DLG2: variants seen among roughly 807,000 people sequenced by gnomAD.
DLG2 encodes discs large MAGUK scaffold protein 2, also known as disks large homolog 2.
A neutral mutation model predicts 132.5 loss-of-function variants in DLG2; 45 were observed. The ratio of observed to expected loss-of-function variants is 0.34; its 90% confidence interval spans 0.27 to 0.44. The LOEUF (loss-of-function observed/expected upper bound fraction) is 0.44. DLG2 is among the 20% of genes least tolerant of loss of function. DLG2 has a pLI of 1.00. For missense variants in DLG2, 1,045 were observed against 1,196.9 expected, an observed-to-expected ratio of 0.87 and a Z score of 1.87; for synonymous variants, 424 against 419.6, an observed-to-expected ratio of 1.01 and a Z score of -0.13.
chr11:84,584,224 A>T (rs1033059806), intron 6 of DLG2, among the ~76,000 whole-genome samples: 1 of 152,160 alleles, frequency 6.6e-6, no homozygotes, highest in African/African-American at 2.4e-5. Context: ...TGAGTATAAA[A>T]TGGTATCGGG....
chr11:84,576,510 G>A (rs1474939663), intron 6 of DLG2, among the ~76,000 whole-genome samples: 8 of 152,166 alleles, frequency 5.3e-5, no homozygotes, highest in African/African-American at 1.7e-4. Flanking sequence ...GAGAAAGAGG[G>A]TAAGTTTTTG....
intron 6 of DLG2, among the ~76,000 whole-genome samples, chr11:84,882,881 A>T (rs1211362849): frequency 6.6e-6 from 1 of 152,092 alleles, no homozygotes; most frequent in Non-Finnish European, 1.5e-5. Flanking sequence ...GGATGACTAA[A>T]TCCACACTCC....
chr11:84,897,576 A>G (rs1168594738), intron 6 of DLG2, among the ~76,000 whole-genome samples: 1 of 151,844 alleles, frequency 6.6e-6, no homozygotes, highest in East Asian at 1.9e-4. Context: ...CACTTATCAT[A>G]TATCTTTCTA....
At chr11:83,993,461 C>G (rs1398112276) in intron 11 of DLG2, among the ~76,000 whole-genome samples, 1 of 152,124 alleles carries the variant, frequency 6.6e-6, no homozygotes, top group Non-Finnish European at 1.5e-5. Context: ...AGTCTCTTCC[C>G]TAAACGAACA....
chr11:85,099,064 G>A (rs1490676321), intron 6 of DLG2, among the ~76,000 whole-genome samples: 4 of 152,208 alleles, frequency 2.6e-5, no homozygotes, highest in Non-Finnish European at 5.9e-5. Flanking sequence ...AGGAGCTACA[G>A]CAACTAATGT....
At chr11:83,634,520 T>C (rs967315446) in intron 18 of DLG2, among the ~76,000 whole-genome samples, 5 of 152,164 alleles carry the variant, frequency 3.3e-5, no homozygotes, top group Admixed American at 1.3e-4. Flanking sequence ...ATGGTTCTTT[T>C]AATTACAAAG....
intron 16 of DLG2, among the ~76,000 whole-genome samples, chr11:83,843,980 T>C (rs2058115115): frequency 6.6e-6 from 1 of 152,026 alleles, no homozygotes; most frequent in South Asian, 2.1e-4. Context: ...AGGATGAAAA[T>C]GAAGCAGAAA....
At chr11:83,789,236 T>C (rs557259784) in intron 17 of DLG2, among the ~76,000 whole-genome samples, 2 of 152,346 alleles carry the variant, frequency 1.3e-5, no homozygotes, top group Admixed American at 6.5e-5. Flanking sequence ...ATCTTCAGTG[T>C]ATACGTAAAT....
rs191811992 is a variant in DLG2, at chr11:85,107,245, C to G, written c.357+4416G>C. 1.4e-3 allele frequency among the ~76,000 whole-genome samples: 210 copies of G among 152,078 alleles called. 3 individuals are homozygous for G. The highest frequency in any genetic ancestry group is 0.013 in the Admixed American group (201 of 15,244). ...CTTTCCCAGCATTAATTTCCAGTAA[C>G]TAAGGGGTGTGCAAATATGCAACAA... is the stretch of plus-strand genomic sequence containing the variant. On this transcript the variant is annotated intron_variant, in intron 6 of 27. Transcript: ENST00000376104.
intron 18 of DLG2, among the ~76,000 whole-genome samples, chr11:83,785,565 G>C (rs1168792056): frequency 6.6e-6 from 1 of 152,172 alleles, no homozygotes; most frequent in Non-Finnish European, 1.5e-5. Flanking sequence ...TAAAAATTTT[G>C]AATAAATTAA....
intron 7 of DLG2, among the ~76,000 whole-genome samples, chr11:84,357,406 C>T (rs977022219): frequency 1.3e-5 from 2 of 152,036 alleles, no homozygotes; most frequent in South Asian, 4.1e-4. Flanking sequence ...TCAGGAACCT[C>T]GCTGACCAGG....
chr11:83,743,591 A>C (rs1033685650), intron 18 of DLG2, among the ~76,000 whole-genome samples: 34 of 151,698 alleles, frequency 2.2e-4, no homozygotes, highest in African/African-American at 7.0e-4. Context: ...ATGCCAACAC[A>C]CCCAGCTAAT....
At chr11:83,832,333 G>A (rs2054778293) in intron 17 of DLG2, among the ~76,000 whole-genome samples, 1 of 152,174 alleles carries the variant, frequency 6.6e-6, no homozygotes, top group Admixed American at 6.5e-5. Context: ...AGATTGTGGT[G>A]ATGGTTTCAT....
intron 3 of DLG2, chr11:85,524,911 A>T (rs1404684425): frequency 1.3e-5 from 2 of 151,928 alleles, no homozygotes; most frequent in Admixed American, 1.3e-4. Flanking sequence ...AGTATGAGAG[A>T]AACGTCTGGT....
chr11:83,665,996 T>A (rs1025614146), intron 18 of DLG2, among the ~76,000 whole-genome samples: 2 of 152,076 alleles, frequency 1.3e-5, no homozygotes. Flanking sequence ...ATCTCCCCCA[T>A]GATTTTTTTT....
intron 7 of DLG2, among the ~76,000 whole-genome samples, chr11:84,453,990 C>T (rs890443491): frequency 6.6e-6 from 1 of 151,474 alleles, no homozygotes; most frequent in Admixed American, 6.6e-5. Context: ...TTCTATTCTG[C>T]CACAGAGGAG....
chr11:84,591,223 C>CTCTCTGTGTGTGTG (rs1555073566), intron 6 of DLG2, among the ~76,000 whole-genome samples: 102 of 139,290 alleles, frequency 7.3e-4, no homozygotes, highest in Admixed American at 1.5e-3. Flanking sequence ...ATGTGTCTCT[C>CTCTCTGTGTGTGTG]TGTGTGTGTG....
chr11:84,315,765 T>A (rs1030220566), intron 7 of DLG2, among the ~76,000 whole-genome samples: 5 of 152,148 alleles, frequency 3.3e-5, no homozygotes, highest in African/African-American at 1.2e-4. Context: ...GCTATGCATA[T>A]GTAACTATAT....
At chr11:84,699,924 G>C (rs1301204980) in intron 6 of DLG2, among the ~76,000 whole-genome samples, 1 of 151,534 alleles carries the variant, frequency 6.6e-6, no homozygotes, top group Non-Finnish European at 1.5e-5. Context: ...AATGTAGGCT[G>C]TACCACTTCC....
Sources: allele counts gnomAD v4.1 joint callset (sites outside exome capture counted in the v4.1 genomes callset), GRCh38; gene constraint gnomAD v4.1.1; transcripts MANE v1.5; gene names NCBI Gene and HGNC (gene_info 2026-07-23, HGNC 2026-07-21).